SLC25A13: variants seen among roughly 807,000 people sequenced by gnomAD.
SLC25A13 encodes the protein solute carrier family 25 member 13.
In SLC25A13, 70 loss-of-function variants were observed where a neutral mutation model predicts 85.5. That is an observed-to-expected ratio of 0.82 (90% CI 0.68 to 1.00). SLC25A13 has a LOEUF of 1.00. Ranked by LOEUF, SLC25A13 falls within the 50% of genes least tolerant of loss-of-function variation. SLC25A13 has a pLI of 0.00. For synonymous variants in SLC25A13, 259 were observed against 288.7 expected (o/e 0.90, Z 1.04); for missense variants, 765 against 819.8 (o/e 0.93, Z 0.82).
chr7:96,213,600 G>A (rs1220258100), intron 4 of SLC25A13, among the ~76,000 whole-genome samples: 1 of 152,172 alleles, frequency 6.6e-6, no homozygotes, highest in East Asian at 1.9e-4. Context: ...CAGTCCTGGA[G>A]AGGAAAGAAG....
intron 2 of SLC25A13, among the ~76,000 whole-genome samples, chr7:96,286,857 C>A (rs1172359760): frequency 6.6e-6 from 1 of 152,232 alleles, no homozygotes; most frequent in Non-Finnish European, 1.5e-5. Context: ...GTTCCACTGG[C>A]TGTCGCTGAT....
At chr7:96,126,417 G>A (rs776745796) in intron 15 of SLC25A13, among the ~76,000 whole-genome samples, 10 of 152,082 alleles carry the variant, frequency 6.6e-5, no homozygotes, top group Non-Finnish European at 1.0e-4. Flanking sequence ...TAGGGAAGTG[G>A]TCTCTTTCTT....
At chr7:96,254,031 G>A (rs570659274) in intron 3 of SLC25A13, among the ~76,000 whole-genome samples, 2 of 152,242 alleles carry the variant, frequency 1.3e-5, no homozygotes, top group East Asian at 1.9e-4. Flanking sequence ...GTGTGTGTGC[G>A]CATGTCTGTC....
Position 96,131,766 on chromosome 7 carries a change from A to G in SLC25A13, c.1568T>C (p.Leu523Pro), listed in dbSNP as rs139455686. 3 of 1,614,026 alleles carry G rather than the reference A, an allele frequency of 1.9e-6. No individual in the cohort carries two copies. Among genetic ancestry groups the G allele is most frequent in the Non-Finnish European group, 2.5e-6 (3 of 1,180,026 alleles). ...ACCAGCTATGGCACCAGCTAAGAGC[A>G]GGCTTCCTGGGCTAACCTGCCCATC... ...NEDGQVSPGS[L>P]LLAGAIAGMP... The change falls in exon 15 of 18, where the codon CTG (leucine) becomes CCG (proline). Residue 523 changes from leucine (L) to proline (P), a missense_variant. Leu to Pro is a moderately conservative substitution (Grantham distance 98, BLOSUM62 -3). Coordinates refer to ENST00000265631, the MANE Select transcript of SLC25A13 (RefSeq NM_014251.3).
chr7:96,286,157 G>A (rs556517254), intron 2 of SLC25A13, among the ~76,000 whole-genome samples: 14 of 151,952 alleles, frequency 9.2e-5, no homozygotes, highest in African/African-American at 3.1e-4. Context: ...GGTGGCAGGC[G>A]CCTGTAGTCC....
chr7:96,293,963 G>A (rs1465908091), intron 2 of SLC25A13, among the ~76,000 whole-genome samples: 2 of 152,136 alleles, frequency 1.3e-5, no homozygotes, highest in African/African-American at 4.8e-5. Flanking sequence ...TCACGCTGCT[G>A]TAAAGGCACA....
intron 4 of SLC25A13, among the ~76,000 whole-genome samples, chr7:96,231,672 C>A (rs543111583): frequency 6.6e-6 from 1 of 151,268 alleles, no homozygotes; most frequent in Admixed American, 6.6e-5. Context: ...TGCACTGAGC[C>A]GAGATTGTGC....
intron 5 of SLC25A13, among the ~76,000 whole-genome samples, chr7:96,205,309 C>T (rs1795418342): frequency 6.6e-6 from 1 of 152,204 alleles, no homozygotes; most frequent in African/African-American, 2.4e-5. Context: ...TATTTTAAAA[C>T]TAGCGGCTAT....
intron 11 of SLC25A13, among the ~76,000 whole-genome samples, chr7:96,174,922 TTC>T (rs766709605): frequency 1.3e-5 from 2 of 152,202 alleles, no homozygotes; most frequent in Non-Finnish European, 1.5e-5. Context: ...ACCAAATGCC[TTC>T]TCTGTCTGCC....
intron 3 of SLC25A13, among the ~76,000 whole-genome samples, chr7:96,262,521 T>TC (rs1797892438): frequency 2.3e-5 from 2 of 85,818 alleles, no homozygotes; most frequent in South Asian, 5.6e-4. Flanking sequence ...ACTCCTCAGT[T>TC]TAAAAAAAAA....
intron 4 of SLC25A13, 86 bp from the exon 5 acceptor site, chr7:96,209,063 T>C: frequency 7.4e-7 from 1 of 1,355,886 alleles, no homozygotes; most frequent in Non-Finnish European, 1.0e-6. Flanking sequence ...TATCGCTTTT[T>C]CTTATTAAAA....
chr7:96,266,867 T>C (rs188495988), intron 3 of SLC25A13, among the ~76,000 whole-genome samples: 1 of 152,338 alleles, frequency 6.6e-6, no homozygotes, highest in African/African-American at 2.4e-5. Context: ...GAGCTGTTAA[T>C]GAGGCTTTTT....
intron 5 of SLC25A13, among the ~76,000 whole-genome samples, chr7:96,200,382 A>C (rs1281792571): frequency 6.6e-6 from 1 of 152,240 alleles, no homozygotes; most frequent in Non-Finnish European, 1.5e-5. Context: ...TTGCATATAA[A>C]TATCCACTTT....
intron 3 of SLC25A13, among the ~76,000 whole-genome samples, chr7:96,250,423 C>G (rs900248903): frequency 1.3e-5 from 2 of 152,186 alleles, no homozygotes; most frequent in African/African-American, 4.8e-5. Context: ...CTTTACTTAA[C>G]TCTACGGCAG....
rs11762136 is a variant in SLC25A13 at position 96,121,759 on chromosome 7, G to A, written c.1751-14C>T. On this transcript the variant is annotated splice_polypyrimidine_tract_variant and intron_variant, in intron 16 of 17. Coordinates refer to ENST00000265631, the MANE Select transcript of SLC25A13 (RefSeq NM_014251.3). ...GAAATACACGAGCTTTAAAAAAATG[G>A]AGAAATCACAGATATAATTAGATAT... The A allele has an allele frequency of 6.2e-6, 10 of 1,613,892 alleles. No individual in the cohort carries two copies. Among genetic ancestry groups the A allele is most frequent in the Non-Finnish European group, 8.5e-6 (10 of 1,179,930 alleles).
At chr7:96,286,138 C>A (rs1038960656) in intron 2 of SLC25A13, among the ~76,000 whole-genome samples, 7 of 151,786 alleles carry the variant, frequency 4.6e-5, no homozygotes, top group Admixed American at 2.6e-4. Context: ...CAAAAAATTA[C>A]CCGGGCATGG....
intron 14 of SLC25A13, among the ~76,000 whole-genome samples, chr7:96,137,928 A>G (rs552235723): frequency 2.6e-5 from 4 of 152,324 alleles, no homozygotes; most frequent in Admixed American, 2.0e-4. Context: ...CATTCATTGT[A>G]CAATTAAACT....
At chr7:96,319,378 C>T (rs777676844) in intron 1 of SLC25A13, among the ~76,000 whole-genome samples, 12 of 151,846 alleles carry the variant, frequency 7.9e-5, no homozygotes, top group Non-Finnish European at 1.6e-4. Context: ...TGTTGGCCTA[C>T]TAAAAATACA....
Position 96,121,245 on chromosome 7 carries a change from T to C in SLC25A13, c.1974A>G (p.Leu658=). 1 of 1,613,918 alleles carries C rather than the reference T, an allele frequency of 6.2e-7. No individual in the cohort carries two copies. The highest frequency in any genetic ancestry group is 8.5e-7 in the Non-Finnish European group (1 of 1,179,976). Reference sequence around the variant, plus strand: ...TAGATACTGATGGCTTGAAGAGAGGTAGGTAAAGTCCAAATTTGTTTTCAA... The same window carrying C: ...TAGATACTGATGGCTTGAAGAGAGGCAGGTAAAGTCCAAATTTGTTTTCAA... The part of the protein sequence containing the change: ...AGIENKFGLY[L]PLFKPSVSTS... The change falls in exon 18 of 18, where the codon CTA becomes CTG. Residue 658 remains leucine (L), a synonymous_variant. Transcript: ENST00000265631.
Sources: allele counts gnomAD v4.1 joint callset (sites outside exome capture counted in the v4.1 genomes callset), GRCh38; gene constraint gnomAD v4.1.1; transcripts MANE v1.5; gene names NCBI Gene and HGNC (gene_info 2026-07-23, HGNC 2026-07-21).